The following FAT2 variants were observed in gnomAD, a reference collection of about 807,000 sequenced individuals.
FAT2 encodes protocadherin Fat 2.
Under a neutral mutation model 295.3 loss-of-function variants are expected in FAT2, and 150 were observed. The ratio of observed to expected loss-of-function variants is 0.51; its 90% CI spans 0.44 to 0.58. FAT2 has a LOEUF of 0.58. FAT2 is among the 20% of genes least tolerant of loss of function. The pLI is 0.00. For missense variants in FAT2, 4,868 were observed against 5,442.7 expected (o/e 0.89, Z 3.32); for synonymous variants, 2,026 against 2,150.3 (o/e 0.94, Z 1.60).
Position 151,568,072 on chromosome 5 carries a change from T to G in FAT2, c.860A>C (p.Glu287Ala). 6.2e-7 allele frequency: 1 copy of G among 1,614,180 alleles called. No individual in the cohort carries two copies. Among genetic ancestry groups the G allele is most frequent in the Non-Finnish European group, 8.5e-7 (1 of 1,180,038 alleles). ...VDANSSGAEV[E>A]SVEVVGGDPG... ...GTCACCACCAACAACTTCCACTGACTCCACTTCAGCTCCTGAGCTATTTGC... is the reference window on the plus strand; with the variant it reads ...GTCACCACCAACAACTTCCACTGACGCCACTTCAGCTCCTGAGCTATTTGC... Residue 287 changes from glutamate to alanine, a missense_variant, in exon 2 of 24, where the codon GAG becomes GCG. Transcript: ENST00000261800.
At position 151,545,209 on chromosome 5, in the gene FAT2, T is replaced by G; in HGVS notation, c.5918A>C (p.Tyr1973Ser). 6.2e-7 allele frequency: 1 copy of G among 1,614,184 alleles called. No individual in the cohort carries two copies. The highest frequency in any genetic ancestry group is 8.5e-7 in the Non-Finnish European group (1 of 1,180,036). Residue 1973 changes from tyrosine (Y) to serine (S), a missense_variant, in exon 10 of 24, where the codon TAC (tyrosine) becomes TCC (serine). This residue lies in a region of FAT2 where 3,297 missense variants were observed against 3,669.4 expected (regional missense o/e 0.90). Transcript: ENST00000261800. ...CAAGTTCTCCTTCACAGCTGCCCAG[T>G]AGACATCCTGATCAAACTGCAAGCT... is the stretch of plus-strand genomic sequence containing the variant. ...DKSLQFDQDV[Y>S]WAAVKENLQD...
chr5:151,534,886 G>T (rs1209382666), intron 12 of FAT2, among the ~76,000 whole-genome samples: 1 of 149,286 alleles, frequency 6.7e-6, no homozygotes, highest in East Asian at 2.0e-4. Flanking sequence ...CTAAAAATAG[G>T]TATATTCTTA....
In FAT2 at chr5:151,550,184, A is replaced by G. The variant is rs113890827; in HGVS notation, c.4578+406T>C. ...TCATAAAAATGCAGGCACATGGCCCAGAGAGTGAGCCCTCCTTACATTTTG... is the reference window on the plus strand; with the variant it reads ...TCATAAAAATGCAGGCACATGGCCCGGAGAGTGAGCCCTCCTTACATTTTG... On this transcript the variant is annotated intron_variant, in intron 8 of 23. Coordinates refer to ENST00000261800, the MANE Select transcript of FAT2 (RefSeq NM_001447.3). 1.4e-3 allele frequency among the ~76,000 whole-genome samples: 208 copies of G among 152,346 alleles called. 4 individuals are homozygous for G. In the East Asian group the frequency reaches 0.018, roughly 13 times the overall value.
intron 1 of FAT2, among the ~76,000 whole-genome samples, chr5:151,586,862 T>A (rs1759191216): frequency 6.6e-6 from 1 of 152,182 alleles, no homozygotes; most frequent in Non-Finnish European, 1.5e-5. Flanking sequence ...TGGCTCAGGC[T>A]GGGCGCAGTG....
Position 151,529,259 on chromosome 5 carries a change from A to G in FAT2, c.9945T>C (p.Asn3315=), listed in dbSNP as rs373421914. 5 of 1,614,000 alleles carry G rather than the reference A, an allele frequency of 3.1e-6. No individual in the cohort carries two copies. Among genetic ancestry groups the G allele is most frequent in the East Asian group, 4.5e-5 (2 of 44,892 alleles). ...TTVMVNITDV[N]EHRPQFPQDP... ...CTTGGGGGAATTGGGGCCGGTGTTC[A>G]TTGACATCAGTGATGTTGACCATGA... Residue 3315 remains asparagine (N), a synonymous_variant, in exon 15 of 24, where the codon AAT becomes AAC. Coordinates refer to ENST00000261800, the MANE Select transcript of FAT2 (RefSeq NM_001447.3).
At chr5:151,534,666 TG>T in intron 12 of FAT2, 24 bp from the exon 13 acceptor site, 1 of 1,591,276 alleles carries the variant, frequency 6.3e-7, no homozygotes, top group Non-Finnish European at 8.6e-7. Flanking sequence ...TGACAAAAGT[TG>T]AGCTTTCTCT....
At chr5:151,581,779 C>T (rs551730903) in intron 1 of FAT2, among the ~76,000 whole-genome samples, 9 of 152,322 alleles carry the variant, frequency 5.9e-5, no homozygotes, top group African/African-American at 2.2e-4. Flanking sequence ...GCCCGCTCCC[C>T]ATGCCCATGG....
At chr5:151,536,522 C>T (rs1241041534) in intron 12 of FAT2, among the ~76,000 whole-genome samples, 1 of 152,162 alleles carries the variant, frequency 6.6e-6, no homozygotes, top group Non-Finnish European at 1.5e-5. Context: ...CCTGCAGCAG[C>T]AGGGCAGGAA....
At chr5:151,590,895 C>T (rs150910043) in intron 1 of FAT2, among the ~76,000 whole-genome samples, 122 of 152,348 alleles carry the variant, frequency 8.0e-4, no homozygotes, top group Middle Eastern at 3.4e-3. Flanking sequence ...TGACCTTCCT[C>T]TTCCACAAGA....
chr5:151,562,421 C>T (rs1397585826), intron 3 of FAT2, among the ~76,000 whole-genome samples: 2 of 152,106 alleles, frequency 1.3e-5, no homozygotes, highest in East Asian at 1.9e-4. Context: ...GTGTCTGCAG[C>T]AATGGGACCC....
chr5:151,566,974 G>T lies in FAT2; in HGVS notation c.1958C>A (p.Thr653Asn). ...SDGKNYASPT[T>N]LNITVVKDPH... Reference sequence around the variant, plus strand: ...GTCCTTCACCACAGTAATATTCAAAGTTGTGGGTGAGGCATAGTTTTTGCC... The same window carrying T: ...GTCCTTCACCACAGTAATATTCAAATTTGTGGGTGAGGCATAGTTTTTGCC... Residue 653 changes from threonine to asparagine, a missense_variant, in exon 2 of 24, where the codon ACT (threonine) becomes AAT (asparagine). Physicochemically the swap from Thr to Asn is moderately conservative, Grantham distance 65. Transcript: ENST00000261800. 1 of 1,614,114 alleles carries T rather than the reference G, an allele frequency of 6.2e-7. No individual in the cohort carries two copies. The highest frequency in any genetic ancestry group is 8.5e-7 in the Non-Finnish European group (1 of 1,179,996).
intron 13 of FAT2, among the ~76,000 whole-genome samples, chr5:151,532,388 AACACACACACACAC>A (rs3056512): frequency 9.3e-5 from 14 of 150,496 alleles, no homozygotes; most frequent in East Asian, 2.0e-4. Flanking sequence ...TGCGTGTACA[AACACACACACACAC>A]ACACACACAC....
chr5:151,553,459 A>T, intron 5 of FAT2, 72 bp from the exon 6 acceptor site: 1 of 1,340,800 alleles, frequency 7.5e-7, no homozygotes, highest in Non-Finnish European at 1.1e-6. Flanking sequence ...CCAGGACAGG[A>T]ACCAGAGCGT....
chr5:151,518,371 A>ATTATTATTATT lies in FAT2; in HGVS notation c.11318-607_11318-606insAATAATAATAA, dbSNP rs58882221. 7.1e-3 allele frequency among the ~76,000 whole-genome samples: 936 copies of ATTATTATTATT among 131,120 alleles called. 5 individuals are homozygous for ATTATTATTATT. Among genetic ancestry groups the ATTATTATTATT allele is most frequent in the Middle Eastern group, 0.021 (5 of 240 alleles). The allele number at this position is 131,120 out of a possible 152,430, so 86.0% of individuals were successfully genotyped here. On this transcript the variant is annotated intron_variant, in intron 19 of 23. Transcript: ENST00000261800. ...CTCTAATAATAATAATAATAATAAT[A>ATTATTATTATT]ATAATTTTTAAAAGAAAGTAAAAAT...
In FAT2 at chr5:151,507,499, ACGCCACGGCCACTGTGATGAT is replaced by A; in HGVS notation, c.12151_12171del (p.Ile4051_Ala4057del). On this transcript the variant is annotated inframe_deletion, in exon 23 of 24. Transcript: ENST00000261800. ...AGCCCGACAGTGCTTATGATAATGA[ACGCCACGGCCACTGTGATGAT>A]CAGTAACTCCTGCTGCCCCCAGTCC... is the stretch of plus-strand genomic sequence containing the variant. The A allele has an allele frequency of 6.2e-7, 1 of 1,614,044 alleles. No homozygotes were observed.
intron 8 of FAT2, 83 bp downstream of exon 8, chr5:151,550,507 G>C (rs1757093915): frequency 6.8e-7 from 1 of 1,461,184 alleles, no homozygotes; most frequent in Non-Finnish European, 9.4e-7. Context: ...GGGGAAGGGG[G>C]ACCTTCAGCA....
chr5:151,531,828 A>T lies in FAT2; in HGVS notation c.9570T>A (p.Ser3190=). Reference sequence around the variant, plus strand: ...ACAGCGGTATTGGGGTGCCCAGGTCAGAGGCACGGACCGTGAGCTCCAGTG... The same window carrying T: ...ACAGCGGTATTGGGGTGCCCAGGTCTGAGGCACGGACCGTGAGCTCCAGTG... The part of the protein sequence containing the change: ...QAPLELTVRA[S]DLGTPIPLST... The change falls in exon 14 of 24, where the codon TCT becomes TCA. Residue 3190 remains serine (S), a synonymous_variant. Transcript: ENST00000261800. This position sits in a 1 kb window ranked among gnomAD's most constrained non-coding sequence, Gnocchi z 5.7. 6.2e-7 allele frequency: 1 copy of T among 1,613,612 alleles called. No homozygotes were observed.
In FAT2 at chr5:151,558,599, G is replaced by A. The variant is rs147067257; in HGVS notation, c.3575-2197C>T. Among the ~76,000 whole-genome samples, 972 of 151,572 alleles carry A rather than the reference G, an allele frequency of 6.4e-3. 9 individuals carry two copies. Among genetic ancestry groups the A allele is most frequent in the African/African-American group, 0.022 (912 of 41,304 alleles). On this transcript the variant is annotated intron_variant, in intron 3 of 23. Coordinates refer to ENST00000261800, the MANE Select transcript of FAT2 (RefSeq NM_001447.3). ...TGCACTCCAGCCTGGGCAACAGAGC[G>A]AGACTCCTTTAAAAAAAAAAAAGCA...
chr5:151,580,703 ATCT>A (rs1428809162), intron 1 of FAT2, among the ~76,000 whole-genome samples: 1 of 152,210 alleles, frequency 6.6e-6, no homozygotes, highest in Admixed American at 6.5e-5. Context: ...AACAGATGTG[ATCT>A]TCTTCAGAGT....
Sources: gnomAD v4.1 joint callset for allele counts (sites outside exome capture counted in the v4.1 genomes callset) on GRCh38, gnomAD v4.1.1 for gene constraint, gnomAD v4.1.1 regional missense constraint, Gnocchi (gnomAD v3.1) non-coding constraint, MANE v1.5 for transcripts, NCBI Gene and HGNC (gene_info 2026-07-23, HGNC 2026-07-21) for gene names.